The following TRAT1 variants were observed in gnomAD, a reference collection of about 807,000 sequenced individuals.
TRAT1 encodes the protein T cell receptor associated transmembrane adaptor 1.
In TRAT1, 20 loss-of-function variants were observed where a neutral mutation model predicts 20.0. The observed-to-expected ratio is 1.00, with a 90% confidence interval of 0.70 to 1.45. The LOEUF (loss-of-function observed/expected upper bound fraction) is 1.45. Among genes scored for constraint, TRAT1 ranks in the 40% most tolerant of loss-of-function variants. TRAT1 has a pLI of 0.00. For missense variants in TRAT1, 237 were observed against 224.1 expected (o/e 1.06, Z -0.37); for synonymous variants, 77 against 74.2 (o/e 1.04, Z -0.20).
chr3:108,849,229 T>C lies in TRAT1; in HGVS notation c.278T>C (p.Met93Thr), dbSNP rs1945974268. The stretch of plus-strand genomic sequence containing the variant: ...CGACCAGAGAAATCTGTAAATAAGA[T>C]GCAGGAAGCCACCCCATCTGCACAG... ...KARPEKSVNK[M>T]QEATPSAQAT... Residue 93 changes from methionine to threonine, a missense_variant, in exon 5 of 6, where the codon ATG becomes ACG. Transcript: ENST00000295756. 1.2e-6 allele frequency: 2 copies of C among 1,613,990 alleles called. No individual in the cohort carries two copies. The highest frequency in any genetic ancestry group is 1.7e-6 in the Non-Finnish European group (2 of 1,180,000).
chr3:108,852,891 G>A (rs1946009658), intron 5 of TRAT1, among the ~76,000 whole-genome samples: 1 of 152,184 alleles, frequency 6.6e-6, no homozygotes, highest in South Asian at 2.1e-4. Flanking sequence ...TCAAGGTCTT[G>A]CCTTTAGCAT....
At chr3:108,832,295 A>G (rs1945801807) in intron 2 of TRAT1, among the ~76,000 whole-genome samples, 2 of 151,904 alleles carry the variant, frequency 1.3e-5, no homozygotes, top group South Asian at 4.1e-4. Context: ...GAAACCCAAC[A>G]CTCTTTTTGG....
intron 1 of TRAT1, among the ~76,000 whole-genome samples, chr3:108,826,721 A>T (rs556084111): frequency 5.9e-4 from 90 of 152,324 alleles, no homozygotes; most frequent in Non-Finnish European, 8.2e-4. Context: ...CATTGCTCTG[A>T]CAGAGTTTAC....
rs1193652014 is a variant in TRAT1, at chr3:108,854,701, A to G, written c.*824A>G. ...TTTTCACTGTTATATTTAACTATAT[A>G]TAAATACGCATATATTGTAATTTTA... On this transcript the variant is annotated 3_prime_UTR_variant, in exon 6 of 6. Coordinates refer to ENST00000295756, the MANE Select transcript of TRAT1 (RefSeq NM_016388.4). 1.3e-5 allele frequency: 2 copies of G among 152,172 alleles called. No homozygotes were observed. The highest frequency in any genetic ancestry group is 6.5e-5 in the Admixed American group (1 of 15,282). 9.4% of individuals were successfully genotyped at this position (152,172 alleles called of 1,614,324 possible).
chr3:108,838,211 T>C (rs1287786466), intron 2 of TRAT1, among the ~76,000 whole-genome samples: 1 of 152,178 alleles, frequency 6.6e-6, no homozygotes, highest in East Asian at 1.9e-4. Context: ...AGCACACTCA[T>C]TTCTCCTTCC....
At chr3:108,835,062 G>C (rs896223600) in intron 2 of TRAT1, among the ~76,000 whole-genome samples, 1 of 152,180 alleles carries the variant, frequency 6.6e-6, no homozygotes, top group African/African-American at 2.4e-5. Context: ...ATAAACAAGC[G>C]TATGGTTTGG....
intron 1 of TRAT1, 120 bp downstream of exon 1, chr3:108,823,054 C>T (rs1010278508): frequency 7.0e-6 from 6 of 853,200 alleles, no homozygotes; most frequent in Non-Finnish European, 9.3e-6. Flanking sequence ...TGTTGGATAA[C>T]TTTTAGTGTA....
chr3:108,854,034 A>C lies in TRAT1; in HGVS notation c.*157A>C. 1.6e-6 allele frequency: 1 copy of C among 631,198 alleles called. No individual in the cohort carries two copies. 39.1% of individuals were successfully genotyped at this position (631,198 alleles called of 1,614,324 possible). On this transcript the variant is annotated 3_prime_UTR_variant, in exon 6 of 6. Coordinates refer to ENST00000295756, the MANE Select transcript of TRAT1 (RefSeq NM_016388.4). ...TACCTCTTATTCACAGCTTACACTT[A>C]TGCATGCCAAATGTAAGGCCATGAA...
chr3:108,828,284 C>G (rs1447703), intron 1 of TRAT1, among the ~76,000 whole-genome samples: 151,888 of 152,242 alleles, frequency 1, 75,768 homozygotes, highest in Non-Finnish European at 1. Flanking sequence ...GTTCCCGAGG[C>G]TCATGAGTGC....
chr3:108,829,584 A>AG (rs1945771813), intron 1 of TRAT1, among the ~76,000 whole-genome samples: 1 of 13,440 alleles, frequency 7.4e-5, no homozygotes, highest in Non-Finnish European at 1.7e-4. Context: ...ACTCCATCTC[A>AG]AAACACACAC....
chr3:108,845,050 C>T (rs1472556873), intron 3 of TRAT1, among the ~76,000 whole-genome samples: 3 of 152,146 alleles, frequency 2.0e-5, no homozygotes, highest in East Asian at 3.9e-4. Context: ...ACACTAGCCT[C>T]TCAGATATGA....
intron 1 of TRAT1, among the ~76,000 whole-genome samples, chr3:108,830,253 A>G (rs1306922203): frequency 1.3e-5 from 2 of 152,234 alleles, no homozygotes; most frequent in Admixed American, 1.3e-4. Context: ...AATGGAAGAG[A>G]ACAGGCCATT....
chr3:108,846,024 C>T (rs1366594564), intron 3 of TRAT1, among the ~76,000 whole-genome samples: 2 of 152,128 alleles, frequency 1.3e-5, no homozygotes, highest in African/African-American at 2.4e-5. Flanking sequence ...ACCTGAGGGT[C>T]GGGGAGACAT....
Position 108,849,308 on chromosome 3 carries a change from T to G in TRAT1, c.303+54T>G. 6 of 1,393,226 alleles carry G rather than the reference T, an allele frequency of 4.3e-6. No individual in the cohort carries two copies. The South Asian group carries it at 7.3e-5, about 17-fold the overall frequency. 86.3% of individuals were successfully genotyped at this position (1,393,226 alleles called of 1,614,324 possible). ...GCACATTTCAAGAGCATAAGAGTAG[T>G]ACATTATGATACACATCTGAAATAG... On this transcript the variant is annotated intron_variant, in intron 5 of 5. Transcript: ENST00000295756.
chr3:108,825,737 G>T (rs1371730690), intron 1 of TRAT1, among the ~76,000 whole-genome samples: 2 of 152,090 alleles, frequency 1.3e-5, no homozygotes, highest in African/African-American at 4.8e-5. Context: ...AGACATTTTT[G>T]ATTACACTTA....
intron 3 of TRAT1, among the ~76,000 whole-genome samples, chr3:108,843,633 G>C (rs749470732): frequency 2.6e-5 from 4 of 152,158 alleles, no homozygotes; most frequent in Admixed American, 6.5e-5. Flanking sequence ...AAGAAAACTT[G>C]AAAGGTCCCT....
intron 3 of TRAT1, among the ~76,000 whole-genome samples, chr3:108,843,467 T>C (rs578108486): frequency 1.2e-3 from 179 of 152,024 alleles, no homozygotes; most frequent in African/African-American, 4.1e-3. Flanking sequence ...GAGGCGGAGG[T>C]TGCAGTGAGC....
chr3:108,850,034 G>A (rs1011088758), intron 5 of TRAT1, among the ~76,000 whole-genome samples: 3 of 152,108 alleles, frequency 2.0e-5, no homozygotes, highest in African/African-American at 4.8e-5. Flanking sequence ...CAATTTTTAC[G>A]TGTTGGTCTT....
intron 5 of TRAT1, 80 bp from the exon 6 acceptor site, chr3:108,853,540 T>C (rs1946016179): frequency 6.6e-7 from 1 of 1,513,892 alleles, no homozygotes. Flanking sequence ...AGTTACTTGG[T>C]TTTCATACGC....
Sources: gnomAD v4.1 joint callset for allele counts (sites outside exome capture counted in the v4.1 genomes callset) on GRCh38, gnomAD v4.1.1 for gene constraint, MANE v1.5 for transcripts, NCBI Gene and HGNC (gene_info 2026-07-23, HGNC 2026-07-21) for gene names.